CA4: variants seen among roughly 807,000 people sequenced by gnomAD.
The protein encoded by CA4 is CA-IV.
Under a neutral mutation model 34.5 loss-of-function variants are expected in CA4, and 24 were observed. The observed-to-expected ratio is 0.70, with a 90% CI of 0.50 to 0.98. The LOEUF (loss-of-function observed/expected upper bound fraction) is 0.98. CA4 is among the 50% of genes least tolerant of loss of function. The pLI, the probability that CA4 is intolerant of heterozygous loss-of-function variation, is 0.00. For synonymous variants in CA4, 178 were observed against 170.6 expected, an observed-to-expected ratio of 1.04 and a Z score of -0.34; for missense variants, 394 against 396.7, an observed-to-expected ratio of 0.99 and a Z score of 0.06.
At chr17:60,172,409 C>T (rs1331356501), downstream of CA4, among the ~76,000 whole-genome samples, 4 of 152,184 alleles carry the variant, frequency 2.6e-5, no homozygotes, top group Non-Finnish European at 5.9e-5. Flanking sequence ...AAGCCTAGCA[C>T]CCATCTGTGA....
In CA4 at chr17:60,150,002, C is replaced by G. The variant is rs1247670548; in HGVS notation, c.-33C>G. The G allele has an allele frequency of 6.9e-6, 11 of 1,585,880 alleles. No individual in the cohort carries two copies. The highest frequency in any genetic ancestry group is 9.4e-6 in the Non-Finnish European group (11 of 1,166,162). ...GCGGCGGCCTCCTCGGTGCGCGACC[C>G]CCGGCTCAGAGGACTCTTTGCTGTC... is the stretch of plus-strand genomic sequence containing the variant. On this transcript the variant is annotated 5_prime_UTR_variant, in exon 1 of 8. Transcript: ENST00000300900.
At chr17:60,158,150 G>T (rs1307970097) in intron 6 of CA4, 23 bp downstream of exon 6, 2 of 1,613,316 alleles carry the variant, frequency 1.2e-6, no homozygotes, top group Middle Eastern at 1.6e-4. Context: ...GGGGGAGAAG[G>T]GCTTGGGGTG....
At position 60,159,453 on chromosome 17, in the gene CA4, T is replaced by C; in HGVS notation, c.*29T>C. 1 of 1,605,232 alleles carries C rather than the reference T, an allele frequency of 6.2e-7. No individual in the cohort carries two copies. On this transcript the variant is annotated 3_prime_UTR_variant, in exon 8 of 8. Transcript: ENST00000300900. ...CTCACTTCTGCACGCAGCCTCTCTGTTGCCTCAGCTCTCCAAGTTCCAGGC... is the reference window on the plus strand; with the variant it reads ...CTCACTTCTGCACGCAGCCTCTCTGCTGCCTCAGCTCTCCAAGTTCCAGGC...
At chr17:60,152,152 T>C (rs575812612) in intron 1 of CA4, among the ~76,000 whole-genome samples, 1 of 151,924 alleles carries the variant, frequency 6.6e-6, no homozygotes, top group African/African-American at 2.4e-5. Flanking sequence ...ATGGACTAGG[T>C]AGGATGTGGC....
At chr17:60,160,825 C>A (rs189311520), downstream of CA4, among the ~76,000 whole-genome samples, 16 of 149,364 alleles carry the variant, frequency 1.1e-4, no homozygotes, top group Admixed American at 1.1e-3. Context: ...TGGGAGGAGG[C>A]CAGAGATGGA....
chr17:60,166,298 C>T (rs766269055), intron 5 of CA4, among the ~76,000 whole-genome samples: 17 of 152,124 alleles, frequency 1.1e-4, no homozygotes, highest in Non-Finnish European at 1.6e-4. Context: ...TTAGTAGACA[C>T]GGGGTTTCGC....
At chr17:60,164,515 G>A (rs1293176196), downstream of CA4, among the ~76,000 whole-genome samples, 1 of 151,656 alleles carries the variant, frequency 6.6e-6, no homozygotes, top group Non-Finnish European at 1.5e-5. Flanking sequence ...TCAGCCTTTC[G>A]AGTAGCTGGT....
At chr17:60,164,534 C>T (rs1243885611), downstream of CA4, among the ~76,000 whole-genome samples, 1 of 151,966 alleles carries the variant, frequency 6.6e-6, no homozygotes, top group Non-Finnish European at 1.5e-5. Flanking sequence ...GTACTACAGG[C>T]GCATGCCACC....
rs184157963 is a variant in CA4 at position 60,158,200 on chromosome 17, C to T, written c.580+73C>T. ...TCCCACAAAGGAAGGGGTGGGTGTG[C>T]GGGGAGCTGGGCTCTCAGAGTGCAG... is the stretch of plus-strand genomic sequence containing the variant. On this transcript the variant is annotated intron_variant, in intron 6 of 7. Transcript: ENST00000300900. The T allele has an allele frequency of 1.7e-4, 266 of 1,601,236 alleles. 1 individual carries two copies. The African/African-American group carries it at 2.6e-3, about 16-fold the overall frequency.
At position 60,159,037 on chromosome 17, in the gene CA4, C is replaced by T. The variant is rs371711521; in HGVS notation, c.745-193C>T. The stretch of plus-strand genomic sequence containing the variant: ...GAAAGGAAGCCAATGGGCACTTAGC[C>T]TTCACCCATGCCACGCACCTCATTT... On this transcript the variant is annotated intron_variant, in intron 7 of 7. Coordinates refer to ENST00000300900, the MANE Select transcript of CA4 (RefSeq NM_000717.5). The T allele has an allele frequency of 1.6e-5, 10 of 636,700 alleles. No homozygotes were observed. In the East Asian group the frequency reaches 1.6e-4, roughly 10 times the overall value. The allele number at this position is 636,700 out of a possible 1,614,324, so 39.4% of individuals were successfully genotyped here. A position where few individuals can be genotyped will look rare whatever the true frequency, so the allele number is the denominator to read the frequency against.
At chr17:60,152,709 A>G (rs2083613644) in intron 1 of CA4, among the ~76,000 whole-genome samples, 1 of 151,976 alleles carries the variant, frequency 6.6e-6, no homozygotes, top group Non-Finnish European at 1.5e-5. Context: ...CTCCTTCAAG[A>G]CCTCTGCGGG....
chr17:60,158,211 G>C (rs1567731848), intron 6 of CA4, 72 bp from the exon 7 acceptor site: 5 of 1,606,090 alleles, frequency 3.1e-6, no homozygotes, highest in Non-Finnish European at 4.3e-6. Flanking sequence ...GGGGAGCTGG[G>C]CTCTCAGAGT....
intron 1 of CA4, among the ~76,000 whole-genome samples, chr17:60,153,618 AC>A (rs1230467332): frequency 6.6e-6 from 1 of 152,178 alleles, no homozygotes. Flanking sequence ...CTGGATCGGG[AC>A]CCCTTTCCTG....
chr17:60,176,180 CTT>C, the CA4 span, among the ~76,000 whole-genome samples: 5 of 152,046 alleles, frequency 3.3e-5, no homozygotes, highest in African/African-American at 1.2e-4. Context: ...CTATTAAACT[CTT>C]TTAGCATCAG....
At chr17:60,163,785 A>G (rs2083822177), downstream of CA4, among the ~76,000 whole-genome samples, 1 of 151,800 alleles carries the variant, frequency 6.6e-6, no homozygotes, top group Non-Finnish European at 1.5e-5. Flanking sequence ...GGAGCAGGAC[A>G]CAGGGAAGGG....
downstream of CA4, among the ~76,000 whole-genome samples, chr17:60,171,338 CACA>C (rs1401448502): frequency 1.3e-5 from 2 of 152,226 alleles, no homozygotes; most frequent in African/African-American, 4.8e-5. Flanking sequence ...CTCCAGCTGG[CACA>C]ACAATGAAAG....
chr17:60,176,874 T>C, the CA4 span, among the ~76,000 whole-genome samples: 1 of 152,176 alleles, frequency 6.6e-6, no homozygotes, highest in Admixed American at 6.5e-5. Context: ...ACAACCTAGA[T>C]TGCTAGCAGG....
intron 4 of CA4, 44 bp downstream of exon 4, chr17:60,157,616 G>T (rs747010234): frequency 8.1e-6 from 13 of 1,613,950 alleles, no homozygotes; most frequent in African/African-American, 1.3e-5. Context: ...GGCTCTGGGC[G>T]CGCACCTGCC....
chr17:60,155,431 G>C, intron 2 of CA4, 64 bp downstream of exon 2: 3 of 1,363,316 alleles, frequency 2.2e-6, no homozygotes, highest in Non-Finnish European at 3.1e-6. Context: ...AGCCGAAATG[G>C]AGACCCCGGA....
Sources: gnomAD v4.1 joint callset for allele counts (sites outside exome capture counted in the v4.1 genomes callset) on GRCh38, gnomAD v4.1.1 for gene constraint, MANE v1.5 for transcripts, NCBI Gene and HGNC (gene_info 2026-07-23, HGNC 2026-07-21) for gene names.